Variants in SATB2 observed in about 807,000 individuals in gnomAD.
SATB2 encodes the protein DNA-binding protein SATB2.
SATB2 carries 1 observed loss-of-function variant against 73.4 expected under a neutral mutation model. The observed-to-expected ratio is 0.01, with a 90% CI of 0.00 to 0.06. The LOEUF (loss-of-function observed/expected upper bound fraction) is 0.06. Among genes scored for constraint, SATB2 ranks in the 10% least tolerant of loss-of-function variants. The pLI is 1.00. For missense variants in SATB2, 459 were observed against 945.8 expected (o/e 0.49, Z 6.75); for synonymous variants, 397 against 367.0 (o/e 1.08, Z -0.93).
chr2:199,279,869 G>A (rs541062501), intron 10 of SATB2, among the ~76,000 whole-genome samples: 3 of 152,180 alleles, frequency 2.0e-5, no homozygotes, highest in Admixed American at 6.5e-5. Context: ...GGTCAGGCAC[G>A]GTAGATGATG....
chr2:199,444,817 A>G (rs902781673), intron 2 of SATB2, among the ~76,000 whole-genome samples: 8 of 152,222 alleles, frequency 5.3e-5, no homozygotes, highest in African/African-American at 1.9e-4. Context: ...GAAACTATAC[A>G]TGACAGTTTC....
At chr2:199,396,459 A>T (rs749821875) in intron 3 of SATB2, 12 of 152,190 alleles carry the variant, frequency 7.9e-5, no homozygotes, top group Non-Finnish European at 1.6e-4. Context: ...TGTAAGGCCT[A>T]CAGATGTGTT....
intron 9 of SATB2, among the ~76,000 whole-genome samples, chr2:199,321,016 A>C: frequency 6.6e-6 from 1 of 152,126 alleles, no homozygotes; most frequent in East Asian, 1.9e-4. Flanking sequence ...CTTCAGGAGA[A>C]GGGAAAGCCC....
chr2:199,431,444 T>C (rs760486065), intron 3 of SATB2, among the ~76,000 whole-genome samples: 3 of 152,252 alleles, frequency 2.0e-5, no homozygotes, highest in Non-Finnish European at 4.4e-5. Context: ...ATAAAATCTT[T>C]GCTTACCTAT....
At chr2:199,389,637 T>A (rs528442021) in intron 3 of SATB2, among the ~76,000 whole-genome samples, 2 of 152,238 alleles carry the variant, frequency 1.3e-5, no homozygotes, top group African/African-American at 4.8e-5. Flanking sequence ...CTGTTTCCCA[T>A]CCCCACAGAT....
At chr2:199,425,383 C>A (rs1226518404) in intron 3 of SATB2, among the ~76,000 whole-genome samples, 1 of 152,122 alleles carries the variant, frequency 6.6e-6, no homozygotes, top group Non-Finnish European at 1.5e-5. Flanking sequence ...GCCTATCATC[C>A]CAAGCAAAAC....
At chr2:199,447,317 G>C (rs887207555) in intron 2 of SATB2, among the ~76,000 whole-genome samples, 8 of 152,210 alleles carry the variant, frequency 5.3e-5, no homozygotes, top group African/African-American at 1.9e-4. Context: ...GTCGAAGCAA[G>C]AGCCTCTGCA....
chr2:199,329,617 G>A (rs563110499), intron 7 of SATB2, among the ~76,000 whole-genome samples: 13 of 152,198 alleles, frequency 8.5e-5, no homozygotes, highest in East Asian at 3.9e-4. Context: ...CACCTCTGGC[G>A]AGGGGCTGAG....
intron 10 of SATB2, among the ~76,000 whole-genome samples, chr2:199,298,773 G>T (rs1382441467): frequency 6.6e-6 from 1 of 152,194 alleles, no homozygotes; most frequent in Non-Finnish European, 1.5e-5. Flanking sequence ...GAAATAATGA[G>T]AATTTCATCT....
At chr2:199,327,997 T>C (rs936894156) in intron 8 of SATB2, among the ~76,000 whole-genome samples, 1 of 152,050 alleles carries the variant, frequency 6.6e-6, no homozygotes, top group Non-Finnish European at 1.5e-5. Flanking sequence ...CCCAACCAAA[T>C]AAACATACAA....
At chr2:199,275,142 AT>A (rs1391760114) in intron 10 of SATB2, among the ~76,000 whole-genome samples, 3 of 152,212 alleles carry the variant, frequency 2.0e-5, no homozygotes, top group African/African-American at 7.2e-5. Context: ...TAACGGTTCC[AT>A]TTAATTGAAT....
chr2:199,339,422 C>A (rs1261112200), intron 7 of SATB2, among the ~76,000 whole-genome samples: 1 of 152,182 alleles, frequency 6.6e-6, no homozygotes, highest in Non-Finnish European at 1.5e-5. Flanking sequence ...AGGGCCATCT[C>A]TTCCTACTTT....
intron 7 of SATB2, among the ~76,000 whole-genome samples, chr2:199,335,274 AATTGAGC>A (rs1296953008): frequency 6.6e-6 from 1 of 152,156 alleles, no homozygotes; most frequent in Non-Finnish European, 1.5e-5. Context: ...GGGTGGATAG[AATTGAGC>A]ATCTAAAGGG....
intron 3 of SATB2, among the ~76,000 whole-genome samples, chr2:199,426,818 ATTTATTTAGAGACAGAGTC>A (rs1309526651): frequency 6.6e-6 from 1 of 151,994 alleles, no homozygotes; most frequent in African/African-American, 2.4e-5. Flanking sequence ...CCATCTATTT[ATTTATTTAGAGACAGAGTC>A]TTTATTTAGA....
intron 10 of SATB2, among the ~76,000 whole-genome samples, chr2:199,276,657 A>T (rs963417348): frequency 2.6e-5 from 4 of 152,214 alleles, no homozygotes; most frequent in African/African-American, 9.6e-5. Flanking sequence ...ATGCAGTCAG[A>T]TTATAATTTT....
upstream of SATB2, among the ~76,000 whole-genome samples, chr2:199,467,140 G>C (rs112918645): frequency 6.6e-6 from 1 of 152,366 alleles, no homozygotes; most frequent in Admixed American, 6.5e-5. Context: ...GAGACCTCAA[G>C]TCAGGTCTCC....
chr2:199,374,817 A>G (rs983501263), intron 5 of SATB2, among the ~76,000 whole-genome samples: 1 of 152,116 alleles, frequency 6.6e-6, no homozygotes, highest in African/African-American at 2.4e-5. Context: ...CACAAAAATT[A>G]GCCGGGCATG....
intron 7 of SATB2, chr2:199,329,123 C>T (rs1688116975): frequency 3.3e-6 from 2 of 598,216 alleles, no homozygotes; most frequent in East Asian, 2.9e-5. Context: ...TATTCTGACA[C>T]TTTATCATCA....
rs1268971989 is a variant in SATB2 at position 199,272,586 on chromosome 2, G to A, written c.1827C>T (p.Asp609=). ...GAGACCGGGGCTTTTTGGCACAACT[G>A]TCTTCAGTCGGAGGAGGTGGGGGAG... is the stretch of plus-strand genomic sequence containing the variant. The part of the protein sequence containing the change: ...EAPPPPPPTE[D]SCAKKPRSRT... Residue 609 remains aspartate, a synonymous_variant, in exon 11 of 11, where the codon GAC becomes GAT. Coordinates refer to ENST00000417098, the MANE Select transcript of SATB2 (RefSeq NM_001172509.2). This position sits in a 1 kb window ranked among gnomAD's most constrained non-coding sequence, Gnocchi z 6.7. 6.2e-7 allele frequency: 1 copy of A among 1,614,024 alleles called. No homozygotes were observed. Among genetic ancestry groups the A allele is most frequent in the African/African-American group, 1.3e-5 (1 of 74,914 alleles).
Sources: gnomAD v4.1 joint callset for allele counts (sites outside exome capture counted in the v4.1 genomes callset) on GRCh38, gnomAD v4.1.1 for gene constraint, Gnocchi (gnomAD v3.1) non-coding constraint, MANE v1.5 for transcripts, NCBI Gene and HGNC (gene_info 2026-07-23, HGNC 2026-07-21) for gene names.